The following MYH9 variants were observed in gnomAD, a reference collection of about 807,000 sequenced individuals.
MYH9 encodes myosin-9.
Under a neutral mutation model 241.9 loss-of-function variants are expected in MYH9, and 29 were observed. That is an observed-to-expected ratio of 0.12 (90% CI 0.09 to 0.16). The LOEUF (loss-of-function observed/expected upper bound fraction) is 0.16. MYH9 is among the 10% of genes least tolerant of loss of function. The pLI is 1.00. For synonymous variants in MYH9, 1,047 were observed against 1,062.6 expected (o/e 0.99, Z 0.29); for missense variants, 1,803 against 2,595.5 (o/e 0.69, Z 6.63).
At position 36,285,074 on chromosome 22, in the gene MYH9, A is replaced by T; in HGVS notation, c.5483+47T>A. On this transcript the variant is annotated intron_variant, in intron 38 of 40. Transcript: ENST00000216181. The surrounding 1 kb of genome is among the most constrained non-coding windows in gnomAD (Gnocchi z 7.0). The stretch of plus-strand genomic sequence containing the variant: ...TTGGGCAGGACTGCAGGGGGGCCAG[A>T]GTTTTTTCCAGGACAGCTGGGGTTG... 1 of 1,585,346 alleles carries T rather than the reference A, an allele frequency of 6.3e-7. No individual in the cohort carries two copies. Among genetic ancestry groups the T allele is most frequent in the Non-Finnish European group, 8.6e-7 (1 of 1,158,282 alleles).
At chr22:36,347,436 G>A (rs2017694464) in intron 2 of MYH9, among the ~76,000 whole-genome samples, 1 of 151,764 alleles carries the variant, frequency 6.6e-6, no homozygotes, top group Non-Finnish European at 1.5e-5. Context: ...ACAAGCATCC[G>A]TAAAGAACAA....
chr22:36,372,494 C>CAAA (rs57031494), intron 1 of MYH9, among the ~76,000 whole-genome samples: 8,548 of 71,468 alleles, frequency 0.12, 469 homozygotes, highest in African/African-American at 0.23. Context: ...CCCTGTCTCT[C>CAAA]AAAAAAAAAA....
At chr22:36,286,954 G>A (rs1308212736) in intron 34 of MYH9, 108 bp from the exon 35 acceptor site, 4 of 1,531,012 alleles carry the variant, frequency 2.6e-6, no homozygotes, top group Non-Finnish European at 3.6e-6. Context: ...TCCACTCAAT[G>A]CTGTATTTAA....
At position 36,305,017 on chromosome 22, in the gene MYH9, C is replaced by G; in HGVS notation, c.2229+16G>C. On this transcript the variant is annotated intron_variant, in intron 18 of 40. Transcript: ENST00000216181. The surrounding 1 kb of genome is among the most constrained non-coding windows in gnomAD (Gnocchi z 4.7). ...GGCTGCCCATCCAGAGAGGCAGGGA[C>G]AGCAGCTCAACTCACCATGAGCACG... 1 of 1,612,926 alleles carries G rather than the reference C, an allele frequency of 6.2e-7. No homozygotes were observed. Among genetic ancestry groups the G allele is most frequent in the Non-Finnish European group, 8.5e-7 (1 of 1,179,236 alleles).
chr22:36,387,535 G>C (rs1252902885), intron 1 of MYH9, among the ~76,000 whole-genome samples: 1 of 151,878 alleles, frequency 6.6e-6, no homozygotes, highest in Non-Finnish European at 1.5e-5. Context: ...GGGGGACACG[G>C]GGGGCGCCGG....
chr22:36,354,617 T>C (rs149296039), intron 1 of MYH9, among the ~76,000 whole-genome samples: 12 of 151,670 alleles, frequency 7.9e-5, no homozygotes, highest in Non-Finnish European at 1.6e-4. Flanking sequence ...CTAATTTTTG[T>C]AGTTTTAGTA....
intron 1 of MYH9, among the ~76,000 whole-genome samples, chr22:36,354,071 T>C (rs1429863767): frequency 1.3e-5 from 2 of 152,078 alleles, no homozygotes; most frequent in Non-Finnish European, 2.9e-5. Context: ...TGGCTAATTT[T>C]TTGTATTTTT....
chr22:36,284,154 C>A lies in MYH9; in HGVS notation c.5704G>T (p.Asp1902Tyr), dbSNP rs758424895. 3 of 1,614,156 alleles carry A rather than the reference C, an allele frequency of 1.9e-6. No homozygotes were observed. In the South Asian group the frequency reaches 3.3e-5, roughly 18 times the overall value. ...SRRKLQRELE[D>Y]ATETADAMNR... is the part of the protein sequence containing the mutation. ...ATGGCATCGGCCGTCTCAGTGGCGTCCTCCAGCTCGCGCTGCAGTTTCCGG... is the reference window on the plus strand; with the variant it reads ...ATGGCATCGGCCGTCTCAGTGGCGTACTCCAGCTCGCGCTGCAGTTTCCGG... Residue 1902 changes from aspartate to tyrosine, a missense_variant, in exon 40 of 41, where the codon GAC (aspartate) becomes TAC (tyrosine). By Grantham distance (160) the Asp-to-Tyr change is radical (BLOSUM62 -3). Transcript: ENST00000216181.
At position 36,282,558 on chromosome 22, in the gene MYH9, G is replaced by A; in HGVS notation, c.*110C>T. The A allele has an allele frequency of 3.0e-6, 3 of 1,007,688 alleles. No homozygotes were observed. The highest frequency in any genetic ancestry group is 4.7e-6 in the Non-Finnish European group (3 of 637,216). The allele number at this position is 1,007,688 out of a possible 1,614,324, so 62.4% of individuals were successfully genotyped here. A position where few individuals can be genotyped will look rare whatever the true frequency, so the allele number is the denominator to read the frequency against. Reference sequence around the variant, plus strand: ...GGGACGGGGCGGAGGGCAGGAGGAGGCATGTTCACAGCAGTCCCAAGAAGG... The same window carrying A: ...GGGACGGGGCGGAGGGCAGGAGGAGACATGTTCACAGCAGTCCCAAGAAGG... On this transcript the variant is annotated 3_prime_UTR_variant, in exon 41 of 41. Coordinates refer to ENST00000216181, the MANE Select transcript of MYH9 (RefSeq NM_002473.6).
Position 36,285,371 on chromosome 22 carries a change from CT to C in MYH9, c.5275-43del, listed in dbSNP as rs1247889442. On this transcript the variant is annotated intron_variant, in intron 37 of 40. Transcript: ENST00000216181. The surrounding 1 kb of genome is among the most constrained non-coding windows in gnomAD (Gnocchi z 7.0). ...AGTGACCTTGGGGAGGGCTGGGGCC[CT>C]GGCTGGAGGGCATGAGCAGGGCCAG... 6.3e-7 allele frequency: 1 copy of C among 1,592,688 alleles called. No individual in the cohort carries two copies. Among genetic ancestry groups the C allele is most frequent in the African/African-American group, 1.3e-5 (1 of 74,718 alleles).
At chr22:36,342,893 T>C (rs976914449) in intron 2 of MYH9, among the ~76,000 whole-genome samples, 3 of 152,226 alleles carry the variant, frequency 2.0e-5, no homozygotes, top group Admixed American at 6.5e-5. Context: ...GGGTCTCCAA[T>C]GCCAACCTCC....
chr22:36,319,550 G>C lies in MYH9; in HGVS notation c.1098C>G (p.Pro366=), dbSNP rs537679678. The C allele has an allele frequency of 2.5e-6, 4 of 1,614,118 alleles. No individual in the cohort carries two copies. The Admixed American group carries it at 5.0e-5, about 20-fold the overall frequency. ...GGCCCCGGGTGTTACCTGTGTTGTC[G>C]GGCATGGACGCCTGGTCAGTGTTCC... ...KERNTDQASM[P]DNTAAQKVSH... The change falls in exon 10 of 41, where the codon CCC becomes CCG. Residue 366 remains proline, a synonymous_variant. Coordinates refer to ENST00000216181, the MANE Select transcript of MYH9 (RefSeq NM_002473.6).
At chr22:36,317,281 G>A (rs1231935862) in intron 11 of MYH9, among the ~76,000 whole-genome samples, 2 of 152,084 alleles carry the variant, frequency 1.3e-5, no homozygotes, top group Non-Finnish European at 2.9e-5. Context: ...GTAATTAAAA[G>A]CCAGAAGGAG....
intron 1 of MYH9, among the ~76,000 whole-genome samples, chr22:36,374,404 C>T (rs1377847731): frequency 6.6e-6 from 1 of 152,224 alleles, no homozygotes; most frequent in African/African-American, 2.4e-5. Context: ...CCTGTAATCC[C>T]GGCTACTCGG....
intron 19 of MYH9, 131 bp from the exon 20 acceptor site, chr22:36,302,807 A>G: frequency 1.3e-6 from 1 of 742,860 alleles, no homozygotes; most frequent in Non-Finnish European, 2.3e-6. Flanking sequence ...AATTCAGGGA[A>G]GGGGTCTGGC....
At chr22:36,353,114 TGTGTGTG>T in intron 1 of MYH9, among the ~76,000 whole-genome samples, 1 of 117,540 alleles carries the variant, frequency 8.5e-6, no homozygotes, top group African/African-American at 3.5e-5. Context: ...TGTGTGTGTG[TGTGTGTG>T]TGTGTGTGTG....
intron 1 of MYH9, among the ~76,000 whole-genome samples, chr22:36,387,091 G>A (rs1190641855): frequency 1.3e-5 from 2 of 152,240 alleles, no homozygotes. Flanking sequence ...GCTGGAGCAG[G>A]GACTGGGGGT....
In MYH9 at chr22:36,292,239, G is replaced by A. The variant is rs1354088646; in HGVS notation, c.4096-5C>T. On this transcript the variant is annotated splice_region_variant and splice_polypyrimidine_tract_variant and intron_variant, in intron 30 of 40. Coordinates refer to ENST00000216181, the MANE Select transcript of MYH9 (RefSeq NM_002473.6). Reference sequence around the variant, plus strand: ...CTTCTTTTTCATGTCGGCCACCTGGGCAGGAGCAAGGAGTAAGCAGATGCC... The same window carrying A: ...CTTCTTTTTCATGTCGGCCACCTGGACAGGAGCAAGGAGTAAGCAGATGCC... 1 of 1,613,698 alleles carries A rather than the reference G, an allele frequency of 6.2e-7. No individual in the cohort carries two copies. The highest frequency in any genetic ancestry group is 8.5e-7 in the Non-Finnish European group (1 of 1,180,032).
chr22:36,341,440 G>A lies in MYH9; in HGVS notation c.420C>T (p.Gly140=), dbSNP rs372621048. ...GAGGGGGCATCTCGTGCCTCTTCTT[G>A]CCCTTGTACATTTCCACAATCTCTT... ...YSEEIVEMYK[G]KKRHEMPPHI... is the part of the protein sequence containing the mutation. The change falls in exon 3 of 41, where the codon GGC becomes GGT. Residue 140 remains glycine (G), a synonymous_variant. Coordinates refer to ENST00000216181, the MANE Select transcript of MYH9 (RefSeq NM_002473.6). 1.2e-6 allele frequency: 2 copies of A among 1,614,064 alleles called. No homozygotes were observed. The highest frequency in any genetic ancestry group is 1.7e-6 in the Non-Finnish European group (2 of 1,180,032).
Sources: allele counts gnomAD v4.1 joint callset (sites outside exome capture counted in the v4.1 genomes callset), GRCh38; gene constraint gnomAD v4.1.1; non-coding constraint Gnocchi (gnomAD v3.1); transcripts MANE v1.5; gene names NCBI Gene and HGNC (gene_info 2026-07-23, HGNC 2026-07-21).